Variants in DEUP1 observed in about 807,000 individuals in gnomAD.
DEUP1 encodes deuterosome assembly protein 1.
Under a neutral mutation model 87.4 loss-of-function variants are expected in DEUP1, and 82 were observed. That is an observed-to-expected ratio of 0.94 (90% CI 0.78 to 1.13). The LOEUF (loss-of-function observed/expected upper bound fraction) is 1.13, where lower values mean the gene tolerates loss of function less well. Among genes scored for constraint, DEUP1 ranks in the 50% most tolerant of loss-of-function variants. The probability of loss-of-function intolerance (pLI) is 0.00; values close to 1 mark genes in which losing one functional copy is unlikely to be tolerated. For synonymous variants in DEUP1, 214 were observed against 222.7 expected, an observed-to-expected ratio of 0.96 and a Z score of 0.35; for missense variants, 663 against 681.5, an observed-to-expected ratio of 0.97 and a Z score of 0.30.
intron 5 of DEUP1, among the ~76,000 whole-genome samples, chr11:93,368,029 C>T (rs953742818): frequency 6.6e-6 from 1 of 152,208 alleles, no homozygotes; most frequent in Non-Finnish European, 1.5e-5. Flanking sequence ...GGAGAAGCAG[C>T]GATGTCTTCT....
At chr11:93,380,699 G>A (rs1400253413) in intron 7 of DEUP1, among the ~76,000 whole-genome samples, 7 of 151,892 alleles carry the variant, frequency 4.6e-5, no homozygotes, top group Non-Finnish European at 7.4e-5. Flanking sequence ...CACCGCGCCC[G>A]GCCAGCTAAT....
intron 7 of DEUP1, among the ~76,000 whole-genome samples, chr11:93,377,550 G>A (rs1946096756): frequency 6.6e-6 from 1 of 152,036 alleles, no homozygotes; most frequent in African/African-American, 2.4e-5. Context: ...GTACTTGGTT[G>A]GTGAATTCTT....
intron 13 of DEUP1, among the ~76,000 whole-genome samples, chr11:93,435,942 G>A (rs1048783837): frequency 2.0e-5 from 3 of 150,246 alleles, no homozygotes; most frequent in African/African-American, 4.9e-5. Context: ...CTTGCAGTGA[G>A]CCGAGATCAC....
At chr11:93,334,535 T>C (rs1943651771) in intron 2 of DEUP1, among the ~76,000 whole-genome samples, 1 of 152,078 alleles carries the variant, frequency 6.6e-6, no homozygotes. Flanking sequence ...ATAGAGAGTG[T>C]GAATGGAGTG....
chr11:93,387,786 T>G (rs1213868215), intron 8 of DEUP1, among the ~76,000 whole-genome samples: 1 of 152,096 alleles, frequency 6.6e-6, no homozygotes, highest in Non-Finnish European at 1.5e-5. Flanking sequence ...GATCCTGAAA[T>G]AATATTTTAG....
chr11:93,344,473 G>C (rs1473802899), intron 2 of DEUP1, among the ~76,000 whole-genome samples: 1 of 151,572 alleles, frequency 6.6e-6, no homozygotes, highest in Non-Finnish European at 1.5e-5. Flanking sequence ...ATAGTCTCCT[G>C]TCTCTCCTCT....
At chr11:93,435,559 G>T (rs1478356177) in intron 13 of DEUP1, among the ~76,000 whole-genome samples, 1 of 152,142 alleles carries the variant, frequency 6.6e-6, no homozygotes, top group East Asian at 1.9e-4. Flanking sequence ...ACTTGCCAGA[G>T]GCTCCACAAG....
At chr11:93,416,022 A>G (rs1431945245) in intron 13 of DEUP1, among the ~76,000 whole-genome samples, 1 of 152,162 alleles carries the variant, frequency 6.6e-6, no homozygotes, top group South Asian at 2.1e-4. Flanking sequence ...CTAAAATGGA[A>G]TACCGAGGTC....
chr11:93,391,233 G>C lies in DEUP1; in HGVS notation c.1041+2108G>C, dbSNP rs1314433489. The stretch of plus-strand genomic sequence containing the variant: ...TAGAACTGTTTTAGCCATTTATTTT[G>C]TGATAACATTCACATTTTCAATAAA... On this transcript the variant is annotated intron_variant, in intron 9 of 13. Transcript: ENST00000298050. Among the ~76,000 whole-genome samples the C allele has an allele frequency of 2.6e-5, 4 of 151,332 alleles. No homozygotes were observed. In the East Asian group the frequency reaches 7.7e-4, roughly 29 times the overall value.
At chr11:93,414,195 A>C (rs1252279208) in intron 12 of DEUP1, among the ~76,000 whole-genome samples, 2 of 152,174 alleles carry the variant, frequency 1.3e-5, no homozygotes, top group African/African-American at 4.8e-5. Flanking sequence ...AAATTATCAA[A>C]ATCTATAGAA....
intron 2 of DEUP1, chr11:93,352,355 A>C: frequency 1.4e-6 from 1 of 702,522 alleles, no homozygotes; most frequent in Non-Finnish European, 2.6e-6. Context: ...GAGTGACTGG[A>C]CTTACACCAG....
rs16918925 is a variant in DEUP1 at position 93,414,988 on chromosome 11, C to A, written c.1524-12C>A. On this transcript the variant is annotated splice_polypyrimidine_tract_variant and intron_variant, in intron 12 of 13. Transcript: ENST00000298050. ...TTGATAGCAACAACAACAACCATTT[C>A]TTCTCTTTTAGACTTAGTCATGACT... 8,398 of 1,427,824 alleles carry A rather than the reference C, an allele frequency of 5.9e-3. 57 individuals are homozygous for A. The highest frequency in any genetic ancestry group is 0.024 in the East Asian group (996 of 41,542). The allele number at this position is 1,427,824 out of a possible 1,614,324, so 88.4% of individuals were successfully genotyped here. A position where few individuals can be genotyped will look rare whatever the true frequency, so the allele number is the denominator to read the frequency against.
intron 5 of DEUP1, among the ~76,000 whole-genome samples, chr11:93,367,926 G>A (rs894511450): frequency 1.2e-4 from 19 of 152,198 alleles, no homozygotes; most frequent in African/African-American, 4.3e-4. Context: ...CAGGCACTGT[G>A]AATGGTACAA....
chr11:93,414,210 G>A (rs1211026586), intron 12 of DEUP1, among the ~76,000 whole-genome samples: 1 of 152,058 alleles, frequency 6.6e-6, no homozygotes, highest in Non-Finnish European at 1.5e-5. Context: ...ATAGAAATTA[G>A]AGTTATTCAA....
chr11:93,414,957 G>C, intron 12 of DEUP1, 43 bp from the exon 13 acceptor site: 1 of 1,076,388 alleles, frequency 9.3e-7, no homozygotes, highest in Non-Finnish European at 1.3e-6. Flanking sequence ...AAATAAACAT[G>C]TGTCCTTGAT....
At chr11:93,336,131 C>G (rs1406318909) in intron 2 of DEUP1, among the ~76,000 whole-genome samples, 1 of 151,962 alleles carries the variant, frequency 6.6e-6, no homozygotes, top group East Asian at 1.9e-4. Context: ...AAACAAAAAA[C>G]AAAACCCAAA....
At chr11:93,400,787 CA>C (rs1469137610) in intron 11 of DEUP1, among the ~76,000 whole-genome samples, 1 of 151,830 alleles carries the variant, frequency 6.6e-6, no homozygotes, top group Non-Finnish European at 1.5e-5. Context: ...CACAGAATAC[CA>C]AAAACAAATA....
At chr11:93,335,788 T>C (rs1943729506) in intron 2 of DEUP1, among the ~76,000 whole-genome samples, 1 of 152,174 alleles carries the variant, frequency 6.6e-6, no homozygotes, top group African/African-American at 2.4e-5. Context: ...TCATATCAAG[T>C]TTTTCTCCAC....
chr11:93,390,263 T>G (rs1360999617), intron 9 of DEUP1, among the ~76,000 whole-genome samples: 2 of 152,162 alleles, frequency 1.3e-5, no homozygotes, highest in Non-Finnish European at 2.9e-5. Context: ...CATAAATATA[T>G]AGGGTCATAA....
Sources: allele counts gnomAD v4.1 joint callset (sites outside exome capture counted in the v4.1 genomes callset), GRCh38; gene constraint gnomAD v4.1.1; transcripts MANE v1.5; gene names NCBI Gene and HGNC (gene_info 2026-07-23, HGNC 2026-07-21).